ASPM: variants seen among roughly 807,000 people sequenced by gnomAD.
ASPM encodes abnormal spindle-like microcephaly-associated protein.
ASPM carries 256 observed loss-of-function variants against 366.4 expected under a neutral mutation model. That is an observed-to-expected ratio of 0.70 (90% CI 0.63 to 0.77). The LOEUF is 0.77. ASPM is among the 30% of genes least tolerant of loss of function. ASPM has a pLI of 0.00. For synonymous variants in ASPM, 1,414 were observed against 1,342.9 expected, an observed-to-expected ratio of 1.05 and a Z score of -1.16; for missense variants, 4,146 against 4,090.4, an observed-to-expected ratio of 1.01 and a Z score of -0.37.
At position 197,103,408 on chromosome 1, in the gene ASPM, C is replaced by T. The variant is rs373196055; in HGVS notation, c.5843G>A (p.Arg1948His). The part of the protein sequence containing the change: ...RKQCMEYIEL[R>H]HAVLVLQSMW... The stretch of plus-strand genomic sequence containing the variant: ...AGATTGAAGCACCAGTACCGCATGA[C>T]GGAGTTCAATATACTCCATACATTG... The change falls in exon 18 of 28, where the codon CGT (arginine) becomes CAT (histidine). Residue 1948 changes from arginine to histidine, a missense_variant. Arg to His is a conservative substitution (Grantham distance 29). Transcript: ENST00000367409. 60 of 1,613,084 alleles carry T rather than the reference C, an allele frequency of 3.7e-5. No individual in the cohort carries two copies. Among genetic ancestry groups the T allele is most frequent in the Middle Eastern group, 3.3e-4 (2 of 6,082 alleles).
chr1:197,133,393 C>A lies in ASPM; in HGVS notation c.2376G>T (p.Arg792Ser), dbSNP rs772122781. 1.3e-5 allele frequency: 21 copies of A among 1,613,866 alleles called. No homozygotes were observed. The highest frequency in any genetic ancestry group is 1.7e-5 in the Non-Finnish European group (20 of 1,179,930). ...GTCTATCTTTTCGAACAATTAACCGCCTAGCTTCAATTTCAATTTCAAGCT... is the reference window on the plus strand; with the variant it reads ...GTCTATCTTTTCGAACAATTAACCGACTAGCTTCAATTTCAATTTCAAGCT... ...IKKLEIEIEARRLIVRKDRHL... is the reference protein window; with the variant it reads ...IKKLEIEIEASRLIVRKDRHL... Residue 792 changes from arginine to serine, a missense_variant, in exon 6 of 28, where the codon AGG becomes AGT. By Grantham distance (110) the Arg-to-Ser change is moderately radical (BLOSUM62 -1). Around this residue, in one of 3 missense-constraint regions of ASPM, gnomAD observed 3,624 missense variants for 3,591.7 expected, o/e 1.01. Transcript: ENST00000367409.
chr1:197,094,077 T>C lies in ASPM; in HGVS notation c.9084+7A>G. ...TATTTGCAAGTGAATTAATTTTTAA[T>C]ACCTACTTTTATCATTAAGAAGTGT... is the stretch of plus-strand genomic sequence containing the variant. On this transcript the variant is annotated splice_region_variant and intron_variant, in intron 20 of 27. Coordinates refer to ENST00000367409, the MANE Select transcript of ASPM (RefSeq NM_018136.5). 1 of 1,504,358 alleles carries C rather than the reference T, an allele frequency of 6.6e-7. No homozygotes were observed. The allele number at this position is 1,504,358 out of a possible 1,614,324, so 93.2% of individuals were successfully genotyped here.
rs780545234 is a variant in ASPM, at chr1:197,146,230, G to T, written c.208C>A (p.Pro70Thr). The T allele has an allele frequency of 4.0e-5, 64 of 1,613,968 alleles. No homozygotes were observed. The highest frequency in any genetic ancestry group is 5.3e-5 in the Non-Finnish European group (63 of 1,180,016). ...TTCACTTCTGCCACCTCCTCGTTAG[G>T]GTTGTCTAGGGCCAGAGACAGCGTC... ...SRTLSLALDN[P>T]NEEVAEVKIS... Residue 70 changes from proline to threonine, a missense_variant, in exon 1 of 28, where the codon CCT becomes ACT. Pro to Thr is a conservative substitution (Grantham distance 38). Coordinates refer to ENST00000367409, the MANE Select transcript of ASPM (RefSeq NM_018136.5).
intron 26 of ASPM, 132 bp downstream of exon 26, chr1:197,088,124 G>T: frequency 3.4e-6 from 3 of 882,228 alleles, no homozygotes; most frequent in Non-Finnish European, 5.3e-6. Context: ...CATTTTATCC[G>T]TGCAAAAAGC....
At chr1:197,127,171 A>G (rs1658116027) in intron 10 of ASPM, among the ~76,000 whole-genome samples, 2 of 152,332 alleles carry the variant, frequency 1.3e-5, no homozygotes, top group Admixed American at 6.5e-5. Context: ...TTTATACTCT[A>G]AAGTTATCTC....
chr1:197,096,562 T>C (rs937026700), intron 18 of ASPM, among the ~76,000 whole-genome samples: 2 of 151,800 alleles, frequency 1.3e-5, no homozygotes, highest in Admixed American at 1.3e-4. Flanking sequence ...AGAGGAATTC[T>C]TCCCAATCCA....
At chr1:197,108,201 A>C (rs1457740692) in intron 17 of ASPM, among the ~76,000 whole-genome samples, 1 of 142,570 alleles carries the variant, frequency 7.0e-6, no homozygotes, top group East Asian at 2.5e-4. Flanking sequence ...GAAATTAAAA[A>C]CTATTTGAAC....
chr1:197,141,463 A>G (rs948696436), intron 3 of ASPM, among the ~76,000 whole-genome samples: 4 of 152,166 alleles, frequency 2.6e-5, no homozygotes, highest in African/African-American at 9.7e-5. Flanking sequence ...TTGTGAAAAT[A>G]AGGAACATGA....
Position 197,117,796 on chromosome 1 carries a change from A to C in ASPM, c.4058T>G (p.Leu1353Arg), listed in dbSNP as rs1158747952. 1.9e-6 allele frequency: 3 copies of C among 1,611,714 alleles called. No individual in the cohort carries two copies. In the Admixed American group the frequency reaches 5.0e-5, roughly 27 times the overall value. Reference sequence around the variant, plus strand: ...TAGTCCAGGATACTATACCTGAATAAGTGATGCTGCTTTATTTTGAACTTT... The same window carrying C: ...TAGTCCAGGATACTATACCTGAATACGTGATGCTGCTTTATTTTGAACTTT... ...LEKVQNKAAS[L>R]IQGYWRRYST... The change falls in exon 17 of 28, where the codon CTT (leucine) becomes CGT (arginine). Residue 1353 changes from leucine (L) to arginine (R), a missense_variant. Transcript: ENST00000367409.
intron 3 of ASPM, among the ~76,000 whole-genome samples, chr1:197,140,258 G>A (rs1227161853): frequency 6.6e-6 from 1 of 152,206 alleles, no homozygotes; most frequent in Non-Finnish European, 1.5e-5. Context: ...TTCCCAGATG[G>A]GAATCTACTT....
intron 19 of ASPM, 110 bp downstream of exon 19, chr1:197,095,888 A>G: frequency 1.0e-6 from 1 of 995,116 alleles, no homozygotes; most frequent in Admixed American, 2.6e-5. Flanking sequence ...ATATAAATTA[A>G]GCATAACAAA....
intron 7 of ASPM, among the ~76,000 whole-genome samples, chr1:197,130,578 A>T (rs999208717): frequency 5.9e-5 from 9 of 152,206 alleles, no homozygotes; most frequent in Non-Finnish European, 1.3e-4. Context: ...GCAATTAGGA[A>T]AAACTTAAAA....
rs1657998947 is a variant in ASPM at position 197,124,038 on chromosome 1, A to G, written c.3390+72T>C. On this transcript the variant is annotated intron_variant, in intron 13 of 27. Coordinates refer to ENST00000367409, the MANE Select transcript of ASPM (RefSeq NM_018136.5). The stretch of plus-strand genomic sequence containing the variant: ...AGAAATTCAAGAAAAGACTTCAGGC[A>G]TTAAGTTTAAGTGACTTTCATCAAA... The G allele has an allele frequency of 2.3e-6, 3 of 1,325,238 alleles. 1 individual carries two copies. In the South Asian group the frequency reaches 3.9e-5, roughly 17 times the overall value. 82.1% of individuals were successfully genotyped at this position (1,325,238 alleles called of 1,614,324 possible). A position where few individuals can be genotyped will look rare whatever the true frequency, so the allele number is the denominator to read the frequency against.
rs376390944 is a variant in ASPM at position 197,146,351 on chromosome 1, G to C, written c.87C>G (p.Ala29=). Residue 29 remains alanine, a synonymous_variant, in exon 1 of 28, where the codon GCC becomes GCG. Transcript: ENST00000367409. ...CCGGCGGGGAAGACGCCTCCTCCTC[G>C]GCCGCGGGGCCCCGCAGCCCCGCGG... is the stretch of plus-strand genomic sequence containing the variant. ...RPPAGLRGPA[A]EEEASSPPVL... 1.2e-6 allele frequency: 2 copies of C among 1,611,038 alleles called. No individual in the cohort carries two copies. The highest frequency in any genetic ancestry group is 1.7e-6 in the Non-Finnish European group (2 of 1,179,548).
At position 197,121,925 on chromosome 1, in the gene ASPM, T is replaced by C. The variant is rs1571614344; in HGVS notation, c.3860A>G (p.Lys1287Arg). 1.1e-5 allele frequency: 17 copies of C among 1,609,238 alleles called. No individual in the cohort carries two copies. Among genetic ancestry groups the C allele is most frequent in the Non-Finnish European group, 1.4e-5 (16 of 1,176,190 alleles). Reference protein sequence around the residue: ...WRKYKLKTDLKRHQEREKAAR... With the variant: ...WRKYKLKTDLRRHQEREKAAR... ...ATATTCTAGGAGTACCTGATGGCGT[T>C]TGAGATCTGTTTTTAGTTTATATTT... is the stretch of plus-strand genomic sequence containing the variant. The change falls in exon 16 of 28, where the codon AAA becomes AGA. Residue 1287 changes from lysine (K) to arginine (R), a missense_variant. Coordinates refer to ENST00000367409, the MANE Select transcript of ASPM (RefSeq NM_018136.5).
chr1:197,132,557 T>C (rs1658292392), intron 6 of ASPM, among the ~76,000 whole-genome samples: 1 of 152,078 alleles, frequency 6.6e-6, no homozygotes, highest in South Asian at 2.1e-4. Context: ...AAAGCATGTA[T>C]ACCTAGTTTT....
intron 17 of ASPM, among the ~76,000 whole-genome samples, chr1:197,116,563 C>T (rs374280394): frequency 2.2e-4 from 34 of 151,986 alleles, no homozygotes; most frequent in Admixed American, 7.9e-4. Context: ...AGCAATAAAA[C>T]GAGGTATGCC....
rs766845016 is a variant in ASPM at position 197,101,582 on chromosome 1, A to C, written c.7669T>G (p.Ser2557Ala). The C allele has an allele frequency of 1.9e-6, 3 of 1,609,624 alleles. No individual in the cohort carries two copies. The highest frequency in any genetic ancestry group is 2.7e-5 in the African/African-American group (2 of 74,786). Residue 2557 changes from serine (S) to alanine (A), a missense_variant, in exon 18 of 28, where the codon TCT (serine) becomes GCT (alanine). Coordinates refer to ENST00000367409, the MANE Select transcript of ASPM (RefSeq NM_018136.5). The stretch of plus-strand genomic sequence containing the variant: ...CTGTAGGTGCTTTGTATTACGATAG[A>C]AGCTTTGTGTTTTTCCCTTAAAAGT... ...RQLLREKHKA[S>A]IVIQSTYRMY...
intron 4 of ASPM, chr1:197,138,949 CCTT>C: frequency 1.3e-6 from 1 of 746,038 alleles, no homozygotes; most frequent in Non-Finnish European, 2.4e-6. Flanking sequence ...GCTTCTTTCT[CCTT>C]GACTCGCTGC....
Sources: allele counts gnomAD v4.1 joint callset (sites outside exome capture counted in the v4.1 genomes callset), GRCh38; gene constraint gnomAD v4.1.1; regional missense constraint gnomAD v4.1.1; transcripts MANE v1.5; gene names NCBI Gene and HGNC (gene_info 2026-07-23, HGNC 2026-07-21).